MAP7D1: variants seen among roughly 807,000 people sequenced by gnomAD.
MAP7D1 encodes MAP7 domain-containing protein 1.
Under a neutral mutation model 97.5 loss-of-function variants are expected in MAP7D1, and 30 were observed. The ratio of observed to expected loss-of-function variants is 0.31; its 90% CI spans 0.23 to 0.42. The LOEUF (loss-of-function observed/expected upper bound fraction) is 0.42, where lower values mean the gene tolerates loss of function less well. MAP7D1 is among the 10% of genes least tolerant of loss of function. The pLI is 1.00. For missense variants in MAP7D1, 1,184 were observed against 1,179.5 expected (o/e 1.00, Z -0.06); for synonymous variants, 536 against 477.1 (o/e 1.12, Z -1.61).
intron 1 of MAP7D1, among the ~76,000 whole-genome samples, chr1:36,162,627 T>A (rs1332042999): frequency 6.6e-6 from 1 of 152,156 alleles, no homozygotes; most frequent in East Asian, 1.9e-4. Context: ...CAGGATCAAA[T>A]GGGATAGGGA....
At chr1:36,170,910 A>G in intron 1 of MAP7D1, 61 bp from the exon 2 acceptor site, 2 of 706,592 alleles carry the variant, frequency 2.8e-6, no homozygotes, top group Non-Finnish European at 5.1e-6. Context: ...AGGGCCACAT[A>G]TGGGGCTGAT....
intron 1 of MAP7D1, among the ~76,000 whole-genome samples, chr1:36,163,981 C>T (rs376364869): frequency 3.3e-5 from 5 of 152,056 alleles, no homozygotes; most frequent in African/African-American, 7.2e-5. Context: ...TGCACAACCA[C>T]GCCCAGCTAA....
chr1:36,174,214 G>A (rs531667368), intron 5 of MAP7D1, among the ~76,000 whole-genome samples: 12 of 152,346 alleles, frequency 7.9e-5, no homozygotes, highest in African/African-American at 2.9e-4. Context: ...TCACATGTGT[G>A]TGGTGCCCCA....
At chr1:36,162,923 G>T (rs1216737122) in intron 1 of MAP7D1, among the ~76,000 whole-genome samples, 1 of 152,200 alleles carries the variant, frequency 6.6e-6, no homozygotes, top group South Asian at 2.1e-4. Flanking sequence ...GCTGCAAAAA[G>T]GACTAAGACT....
chr1:36,175,903 T>C lies in MAP7D1; in HGVS notation c.851-296T>C, dbSNP rs78070786. Reference sequence around the variant, plus strand: ...GGGCAATTGGGTTTTCTTCCAATCCTGGATGGCTCCTTCCTATATGCGCCG... The same window carrying C: ...GGGCAATTGGGTTTTCTTCCAATCCCGGATGGCTCCTTCCTATATGCGCCG... On this transcript the variant is annotated intron_variant, in intron 6 of 16. Transcript: ENST00000474796. Among the ~76,000 whole-genome samples, 2,268 of 152,344 alleles carry C rather than the reference T, an allele frequency of 0.015. 112 individuals carry two copies. In the East Asian group the frequency reaches 0.18, roughly 12 times the overall value.
chr1:36,170,171 C>T (rs532366749), intron 1 of MAP7D1, among the ~76,000 whole-genome samples: 1 of 152,218 alleles, frequency 6.6e-6, no homozygotes, highest in Non-Finnish European at 1.5e-5. Context: ...ACTCTGAAGC[C>T]TGTCTCTCAA....
chr1:36,170,496 A>AT (rs1644526737), intron 1 of MAP7D1, among the ~76,000 whole-genome samples: 2 of 151,224 alleles, frequency 1.3e-5, no homozygotes, highest in East Asian at 3.9e-4. Flanking sequence ...CATGGAAACA[A>AT]TCAGTGCATT....
At chr1:36,175,297 G>T (rs765824603) in intron 6 of MAP7D1, among the ~76,000 whole-genome samples, 5 of 152,238 alleles carry the variant, frequency 3.3e-5, no homozygotes, top group Non-Finnish European at 5.9e-5. Context: ...GTGGTGGCTG[G>T]GGGTGGGGAC....
chr1:36,156,988 C>G (rs1439446480), intron 1 of MAP7D1, among the ~76,000 whole-genome samples: 3 of 152,160 alleles, frequency 2.0e-5, no homozygotes, highest in Admixed American at 6.5e-5. Context: ...GTCCAGCTGC[C>G]GCGCAAAGGG....
intron 1 of MAP7D1, among the ~76,000 whole-genome samples, chr1:36,161,789 C>G (rs1465354194): frequency 6.6e-6 from 1 of 151,848 alleles, no homozygotes; most frequent in Non-Finnish European, 1.5e-5. Flanking sequence ...TACCTGGCCC[C>G]GTACTCTGTG....
chr1:36,157,378 T>TC (rs1644350786), intron 1 of MAP7D1: 1 of 152,254 alleles, frequency 6.6e-6, no homozygotes, highest in African/African-American at 2.4e-5. Context: ...TCTCTTTTTT[T>TC]CTCTCTTTCT....
chr1:36,168,393 T>C (rs1303043220), intron 1 of MAP7D1, among the ~76,000 whole-genome samples: 2 of 151,824 alleles, frequency 1.3e-5, no homozygotes. Flanking sequence ...ACTTGTATAA[T>C]GGGGATAAGA....
intron 1 of MAP7D1, among the ~76,000 whole-genome samples, chr1:36,164,151 T>C (rs1455350192): frequency 6.6e-6 from 1 of 152,186 alleles, no homozygotes; most frequent in Non-Finnish European, 1.5e-5. Context: ...AGAGTAAAAA[T>C]CTTCTATATG....
At position 36,172,545 on chromosome 1, in the gene MAP7D1, G is replaced by A. The variant is rs117018122; in HGVS notation, c.542G>A (p.Arg181Gln). ...REKQLQERRR[R>Q]LEEQRLKAEQ... The stretch of plus-strand genomic sequence containing the variant: ...AAGCAGCTCCAGGAGCGCCGGCGCC[G>A]GCTGGAGGAGCAACGTCTTAAAGCC... Residue 181 changes from arginine (R) to glutamine (Q), a missense_variant, in exon 4 of 17, where the codon CGG becomes CAG. Coordinates refer to ENST00000474796, the MANE Select transcript of MAP7D1 (RefSeq NM_001388490.1). The A allele has an allele frequency of 2.7e-3, 4,335 of 1,603,274 alleles. 89 individuals carry two copies. In the Admixed American group the frequency reaches 0.047, roughly 17 times the overall value.
chr1:36,179,981 T>G lies in MAP7D1; in HGVS notation c.2426T>G (p.Leu809Arg). 1 of 1,614,210 alleles carries G rather than the reference T, an allele frequency of 6.2e-7. No individual in the cohort carries two copies. The highest frequency in any genetic ancestry group is 1.3e-5 in the African/African-American group (1 of 75,072). Reference protein sequence around the residue: ...STNGPSGDKSLSRTPETLLPF... With the variant: ...STNGPSGDKSRSRTPETLLPF... ...AACGGACCCTCTGGGGACAAGAGTC[T>G]GAGCCGAACACCAGAGACACTCCTG... The change falls in exon 16 of 17, where the codon CTG (leucine) becomes CGG (arginine). Residue 809 changes from leucine (L) to arginine (R), a missense_variant. Leu to Arg is a moderately radical substitution (Grantham distance 102). Coordinates refer to ENST00000474796, the MANE Select transcript of MAP7D1 (RefSeq NM_001388490.1).
chr1:36,179,469 G>A lies in MAP7D1; in HGVS notation c.2185-46G>A, dbSNP rs748925326. The A allele has an allele frequency of 4.4e-6, 7 of 1,577,772 alleles. No homozygotes were observed. The Admixed American group carries it at 9.2e-5, about 21-fold the overall frequency. On this transcript the variant is annotated intron_variant, in intron 13 of 16. Coordinates refer to ENST00000474796, the MANE Select transcript of MAP7D1 (RefSeq NM_001388490.1). ...GGCCGAACTCAGTCCGAAGTGGCTG[G>A]GGCCGGCTGTCCCTTGAGCCTGACT... is the stretch of plus-strand genomic sequence containing the variant.
At position 36,176,662 on chromosome 1, in the gene MAP7D1, T is replaced by C; in HGVS notation, c.1234-35T>C. The C allele has an allele frequency of 6.2e-7, 1 of 1,603,582 alleles. No individual in the cohort carries two copies. Among genetic ancestry groups the C allele is most frequent in the Non-Finnish European group, 8.5e-7 (1 of 1,174,994 alleles). ...CTGGGGTACGCGGGCGCTGCTGACC[T>C]CTACTCTCCTCTTCCGTTCCTCCTT... On this transcript the variant is annotated intron_variant, in intron 7 of 16. Transcript: ENST00000474796. This position sits in a 1 kb window ranked among gnomAD's most constrained non-coding sequence, Gnocchi z 6.1.
Position 36,176,061 on chromosome 1 carries a change from G to A in MAP7D1, c.851-138G>A, listed in dbSNP as rs1031225890. 3 of 869,600 alleles carry A rather than the reference G, an allele frequency of 3.4e-6. No individual in the cohort carries two copies. The African/African-American group carries it at 5.3e-5, about 15-fold the overall frequency. 53.9% of individuals were successfully genotyped at this position (869,600 alleles called of 1,614,324 possible). A position where few individuals can be genotyped will look rare whatever the true frequency, so the allele number is the denominator to read the frequency against. On this transcript the variant is annotated intron_variant, in intron 6 of 16. Coordinates refer to ENST00000474796, the MANE Select transcript of MAP7D1 (RefSeq NM_001388490.1). The surrounding 1 kb of genome is among the most constrained non-coding windows in gnomAD (Gnocchi z 6.1). ...TCATAGGGAGGACAAGTGTGGCCCC[G>A]GTGTGATTGTGGGGAGAGGACTCCC...
chr1:36,180,511 G>A lies in MAP7D1; in HGVS notation c.*253G>A. On this transcript the variant is annotated 3_prime_UTR_variant, in exon 17 of 17. Coordinates refer to ENST00000474796, the MANE Select transcript of MAP7D1 (RefSeq NM_001388490.1). ...CCCCATACACACATATACACTCACA[G>A]CCTCTCTGGCCTCTTCCCTTGGGGA... The A allele has an allele frequency of 1.8e-6, 1 of 553,790 alleles. No homozygotes were observed. Among genetic ancestry groups the A allele is most frequent in the East Asian group, 3.1e-5 (1 of 32,118 alleles). 34.3% of individuals were successfully genotyped at this position (553,790 alleles called of 1,614,324 possible).
Sources: gnomAD v4.1 joint callset for allele counts (sites outside exome capture counted in the v4.1 genomes callset) on GRCh38, gnomAD v4.1.1 for gene constraint, Gnocchi (gnomAD v3.1) non-coding constraint, MANE v1.5 for transcripts, NCBI Gene and HGNC (gene_info 2026-07-23, HGNC 2026-07-21) for gene names.